ZFP1: variants seen among roughly 807,000 people sequenced by gnomAD.
ZFP1 encodes the protein zinc finger protein 1 homolog.
In ZFP1, 32 loss-of-function variants were observed where a neutral mutation model predicts 38.5. That is an observed-to-expected ratio of 0.83 (90% CI 0.63 to 1.12). ZFP1 has a LOEUF of 1.12. Ranked by LOEUF, ZFP1 falls within the 50% of genes most tolerant of loss-of-function variation. The pLI is 0.00. For synonymous variants in ZFP1, 245 were observed against 168.8 expected (o/e 1.45, Z -3.50); for missense variants, 616 against 480.8 (o/e 1.28, Z -2.63).
intron 1 of ZFP1, among the ~76,000 whole-genome samples, chr16:75,149,434 A>G (rs1260233032): frequency 1.3e-5 from 2 of 152,002 alleles, no homozygotes; most frequent in African/African-American, 4.8e-5. Flanking sequence ...TTTTCCCATG[A>G]TTCTGGTGCA....
At chr16:75,167,017 A>G in intron 3 of ZFP1, 121 bp downstream of exon 3, 1 of 1,492,620 alleles carries the variant, frequency 6.7e-7, no homozygotes, top group Non-Finnish European at 8.9e-7. Flanking sequence ...CAGGTATTAA[A>G]CCTGAGAGAT....
chr16:75,163,834 C>G (rs930832431), intron 2 of ZFP1, among the ~76,000 whole-genome samples: 5 of 151,440 alleles, frequency 3.3e-5, no homozygotes, highest in Admixed American at 1.3e-4. Flanking sequence ...TGGTCTCAAA[C>G]TCCTGAGCTC....
chr16:75,124,440 G>A, the ZFP1 span, among the ~76,000 whole-genome samples: 21 of 149,886 alleles, frequency 1.4e-4, no homozygotes, highest in East Asian at 8.7e-4. Flanking sequence ...GATTACAGGC[G>A]TGAGCCACCA....
the ZFP1 span, among the ~76,000 whole-genome samples, chr16:75,136,911 G>GATATATGTATATCTAC: frequency 3.9e-5 from 6 of 152,002 alleles, no homozygotes; most frequent in African/African-American, 1.4e-4. Context: ...CCTGTTTGTA[G>GATATATGTATATCTAC]ATATATGTAT....
chr16:75,145,713 C>T (rs566331870), upstream of ZFP1, among the ~76,000 whole-genome samples: 9 of 152,276 alleles, frequency 5.9e-5, no homozygotes, highest in South Asian at 2.1e-4. Flanking sequence ...CTCCAGGGGA[C>T]GATTATCTTC....
chr16:75,139,377 A>AC, the ZFP1 span, among the ~76,000 whole-genome samples: 6 of 136,460 alleles, frequency 4.4e-5, no homozygotes, highest in African/African-American at 2.1e-4. Context: ...TCAAAAAAAA[A>AC]AAAAAAAAAA....
chr16:75,170,635 A>C lies in ZFP1; in HGVS notation c.*301A>C. 3.8e-6 allele frequency: 1 copy of C among 265,190 alleles called. No homozygotes were observed. Among genetic ancestry groups the C allele is most frequent in the African/African-American group, 2.2e-5 (1 of 45,572 alleles). 16.4% of individuals were successfully genotyped at this position (265,190 alleles called of 1,614,324 possible). A position where few individuals can be genotyped will look rare whatever the true frequency, so the allele number is the denominator to read the frequency against. ...CTAGACAGCAGCATAAGAAATATAC[A>C]AACAGTATCCTATGAATTTAGTGGT... On this transcript the variant is annotated 3_prime_UTR_variant, in exon 4 of 4. Coordinates refer to ENST00000570010, the MANE Select transcript of ZFP1 (RefSeq NM_153688.4).
Position 75,159,942 on chromosome 16 carries a change from T to C in ZFP1, c.16-6828T>C, listed in dbSNP as rs182978183. 1.7e-3 allele frequency among the ~76,000 whole-genome samples: 258 copies of C among 152,290 alleles called. 2 individuals are homozygous for C. Among genetic ancestry groups the C allele is most frequent in the Non-Finnish European group, 3.2e-3 (219 of 68,028 alleles). On this transcript the variant is annotated intron_variant, in intron 2 of 3. Coordinates refer to ENST00000570010, the MANE Select transcript of ZFP1 (RefSeq NM_153688.4). ...CTTCTAGGGCATGGCTTTTGTGGCA[T>C]CTCAACTGTTTGCCAGTATCTCTAT...
At chr16:75,165,959 A>C (rs1358618343) in intron 2 of ZFP1, among the ~76,000 whole-genome samples, 1 of 151,960 alleles carries the variant, frequency 6.6e-6, no homozygotes, top group Non-Finnish European at 1.5e-5. Context: ...TTGACTAATC[A>C]TTTCTTCAGC....
intron 1 of ZFP1, among the ~76,000 whole-genome samples, chr16:75,152,305 C>T (rs185741457): frequency 6.6e-6 from 1 of 152,040 alleles, no homozygotes; most frequent in Non-Finnish European, 1.5e-5. Flanking sequence ...CTTCTTTTCT[C>T]CTTTTGGAAT....
chr16:75,140,097 C>T, the ZFP1 span, among the ~76,000 whole-genome samples: 3 of 151,996 alleles, frequency 2.0e-5, no homozygotes, highest in Non-Finnish European at 2.9e-5. Flanking sequence ...GGAGAAACCC[C>T]GTCTCTACTA....
the ZFP1 span, among the ~76,000 whole-genome samples, chr16:75,125,386 A>G: frequency 1.3e-5 from 2 of 152,184 alleles, no homozygotes; most frequent in African/African-American, 2.4e-5. Context: ...CAATGGCACA[A>G]TCTCAGCTCA....
chr16:75,130,191 G>A, the ZFP1 span, among the ~76,000 whole-genome samples: 2 of 151,724 alleles, frequency 1.3e-5, no homozygotes, highest in African/African-American at 4.9e-5. Flanking sequence ...AGTAGAGATG[G>A]GGTTTCACCA....
Position 75,170,224 on chromosome 16 carries a change from C to T in ZFP1, c.1114C>T (p.Arg372Ter), listed in dbSNP as rs1459778202. 3 of 1,613,870 alleles carry T rather than the reference C, an allele frequency of 1.9e-6. No homozygotes were observed. Among genetic ancestry groups the T allele is most frequent in the African/African-American group, 2.7e-5 (2 of 74,856 alleles). ...SQRSTLRLHL[R>*]IHTGEKPYEC... ...GAGGTCAACTCTTAGATTACACTTG[C>T]GAATCCACACAGGAGAGAAACCATA... Residue 372 changes from arginine (R) to a stop codon, truncating the protein, a stop_gained, in exon 4 of 4, where the codon CGA (arginine) becomes TGA (stop). Transcript: ENST00000570010. LOFTEE classifies it high-confidence loss of function.
chr16:75,167,492 C>T (rs1002322028), intron 3 of ZFP1, among the ~76,000 whole-genome samples: 3 of 151,894 alleles, frequency 2.0e-5, no homozygotes, highest in African/African-American at 7.3e-5. Context: ...GTGTCTTGTA[C>T]ATGTACCATT....
the ZFP1 span, among the ~76,000 whole-genome samples, chr16:75,122,362 C>T: frequency 6.6e-6 from 1 of 152,146 alleles, no homozygotes; most frequent in Non-Finnish European, 1.5e-5. Context: ...ACAGTTGGCT[C>T]AGGATGAATC....
upstream of ZFP1, among the ~76,000 whole-genome samples, chr16:75,143,751 A>C (rs2036912709): frequency 6.8e-6 from 1 of 146,156 alleles, no homozygotes; most frequent in Admixed American, 7.2e-5. Flanking sequence ...TCCTGGGCTC[A>C]AGTGAACCTC....
the ZFP1 span, among the ~76,000 whole-genome samples, chr16:75,131,694 C>T: frequency 1.3e-5 from 2 of 152,010 alleles, no homozygotes; most frequent in Admixed American, 6.6e-5. Context: ...CCAGGCACAG[C>T]GGCTCACGCC....
chr16:75,153,314 T>G (rs750562251), intron 2 of ZFP1, among the ~76,000 whole-genome samples: 1 of 152,180 alleles, frequency 6.6e-6, no homozygotes, highest in African/African-American at 2.4e-5. Flanking sequence ...AAGATTATTG[T>G]ATGTATTTGG....
Sources: gnomAD v4.1 joint callset for allele counts (sites outside exome capture counted in the v4.1 genomes callset) on GRCh38, gnomAD v4.1.1 for gene constraint, MANE v1.5 for transcripts, NCBI Gene and HGNC (gene_info 2026-07-23, HGNC 2026-07-21) for gene names.